Variants in CD38 observed in about 807,000 individuals in gnomAD.
CD38 encodes ADP-ribosyl cyclase/cyclic ADP-ribose hydrolase 1.
A neutral mutation model predicts 36.3 loss-of-function variants in CD38; 31 were observed. The ratio of observed to expected loss-of-function variants is 0.85; its 90% confidence interval spans 0.64 to 1.15. The LOEUF is 1.15. Ranked by LOEUF, CD38 falls within the 50% of genes most tolerant of loss-of-function variation. CD38 has a pLI of 0.00. For missense variants in CD38, 380 were observed against 371.9 expected (o/e 1.02, Z -0.18); for synonymous variants, 131 against 135.2 (o/e 0.97, Z 0.22).
rs76024486 is a variant in CD38, at chr4:15,838,198, A to G, written c.659+33A>G. The G allele has an allele frequency of 4.5e-4, 631 of 1,406,348 alleles. 4 individuals carry two copies. The African/African-American group carries it at 8.2e-3, about 18-fold the overall frequency. The allele number at this position is 1,406,348 out of a possible 1,614,324, so 87.1% of individuals were successfully genotyped here. ...TTTATTTTGCATCCTGTTTGCAAGT[A>G]TCCTGTTGCAAATATCACAGTGAAT... On this transcript the variant is annotated intron_variant, in intron 5 of 7. Transcript: ENST00000226279.
chr4:15,809,503 G>A (rs1014159827), intron 1 of CD38, among the ~76,000 whole-genome samples: 1 of 152,148 alleles, frequency 6.6e-6, no homozygotes, highest in Admixed American at 6.5e-5. Flanking sequence ...TCTTGGTTCT[G>A]GGGTCTTCCA....
At chr4:15,786,367 C>T (rs574241536) in intron 1 of CD38, among the ~76,000 whole-genome samples, 66 of 152,328 alleles carry the variant, frequency 4.3e-4, no homozygotes, top group Non-Finnish European at 7.1e-4. Context: ...CATTTACAAA[C>T]CTTGAGCTAG....
chr4:15,813,756 T>C (rs1188404490), intron 1 of CD38, among the ~76,000 whole-genome samples: 1 of 152,234 alleles, frequency 6.6e-6, no homozygotes, highest in Non-Finnish European at 1.5e-5. Context: ...GCTTCATCCA[T>C]GTCCCTGCAA....
At chr4:15,802,969 AGAG>A (rs1723262023) in intron 1 of CD38, among the ~76,000 whole-genome samples, 1 of 152,232 alleles carries the variant, frequency 6.6e-6, no homozygotes, top group East Asian at 1.9e-4. Context: ...GGAACAGAAT[AGAG>A]AACCCAGAAA....
intron 1 of CD38, among the ~76,000 whole-genome samples, chr4:15,796,340 G>A (rs950137756): frequency 1.3e-5 from 2 of 151,980 alleles, no homozygotes; most frequent in African/African-American, 2.4e-5. Flanking sequence ...TGTTTCCCAG[G>A]TCTGGCTTTC....
intron 2 of CD38, chr4:15,816,855 G>T (rs1160790020): frequency 9.6e-6 from 5 of 518,148 alleles, no homozygotes; most frequent in Non-Finnish European, 1.7e-5. Flanking sequence ...GAGAGAAATA[G>T]GGATACAGAG....
intron 7 of CD38, among the ~76,000 whole-genome samples, chr4:15,845,934 AC>A (rs779033754): frequency 1.2e-4 from 13 of 107,144 alleles, no homozygotes; most frequent in Admixed American, 1.7e-4. Context: ...AAATGGAAGA[AC>A]TGCTCATGGG....
chr4:15,815,059 C>A (rs1055082934), intron 1 of CD38, among the ~76,000 whole-genome samples: 1 of 152,140 alleles, frequency 6.6e-6, no homozygotes, highest in Non-Finnish European at 1.5e-5. Context: ...CCTGCCTCAG[C>A]CTCCCAAAGT....
chr4:15,834,180 G>C (rs1724014954), intron 3 of CD38, 37 bp from the exon 4 acceptor site: 1 of 1,366,656 alleles, frequency 7.3e-7, no homozygotes, highest in Non-Finnish European at 1.0e-6. Context: ...TATACTCTCT[G>C]TTTTCCACTT....
chr4:15,801,355 C>G (rs191072075), intron 1 of CD38, among the ~76,000 whole-genome samples: 1 of 152,040 alleles, frequency 6.6e-6, no homozygotes, highest in African/African-American at 2.4e-5. Context: ...CTGCTGGATT[C>G]TACCAAACTT....
intron 1 of CD38, among the ~76,000 whole-genome samples, chr4:15,806,737 G>A (rs1357210601): frequency 6.6e-6 from 1 of 152,146 alleles, no homozygotes; most frequent in Non-Finnish European, 1.5e-5. Flanking sequence ...GAGCAGAATG[G>A]TAGGAAAGGG....
chr4:15,796,621 T>A (rs1723108717), intron 1 of CD38, among the ~76,000 whole-genome samples: 1 of 152,104 alleles, frequency 6.6e-6, no homozygotes, highest in Non-Finnish European at 1.5e-5. Flanking sequence ...ACAAATAAAA[T>A]CGAAATACTC....
At chr4:15,810,865 A>T (rs1723454158) in intron 1 of CD38, among the ~76,000 whole-genome samples, 1 of 152,174 alleles carries the variant, frequency 6.6e-6, no homozygotes, top group Admixed American at 6.5e-5. Context: ...AATTAATTAC[A>T]CCTGCAACTG....
At chr4:15,839,434 T>TC (rs1482903523) in intron 5 of CD38, among the ~76,000 whole-genome samples, 10 of 141,016 alleles carry the variant, frequency 7.1e-5, no homozygotes, top group African/African-American at 2.1e-4. Flanking sequence ...TTTTTTTTTT[T>TC]TTTTTTTGAG....
At chr4:15,830,747 T>C (rs1274763011) in intron 3 of CD38, among the ~76,000 whole-genome samples, 2 of 152,186 alleles carry the variant, frequency 1.3e-5, no homozygotes, top group Non-Finnish European at 2.9e-5. Context: ...GTCTTAGATT[T>C]AAATCTTTAA....
At chr4:15,812,337 C>T (rs992563355) in intron 1 of CD38, among the ~76,000 whole-genome samples, 2 of 152,180 alleles carry the variant, frequency 1.3e-5, no homozygotes, top group Non-Finnish European at 2.9e-5. Context: ...AAAGAAGGAA[C>T]TGGGATTTTT....
intron 4 of CD38, 82 bp downstream of exon 4, chr4:15,834,384 CTT>C: frequency 1.2e-6 from 1 of 823,082 alleles, no homozygotes; most frequent in Non-Finnish European, 2.1e-6. Flanking sequence ...GGTTTTAACA[CTT>C]TTGGATTACA....
chr4:15,783,293 C>T (rs1050567772), intron 1 of CD38, among the ~76,000 whole-genome samples: 5 of 152,168 alleles, frequency 3.3e-5, no homozygotes, highest in Non-Finnish European at 7.4e-5. Context: ...GGAGAGCCAG[C>T]ACCTAGGGGA....
intron 1 of CD38, among the ~76,000 whole-genome samples, chr4:15,798,286 T>A (rs1324849332): frequency 2.0e-5 from 3 of 152,222 alleles, no homozygotes; most frequent in Admixed American, 2.0e-4. Context: ...GCCGAGGCTC[T>A]TTCCTTCCAC....
Sources: allele counts gnomAD v4.1 joint callset (sites outside exome capture counted in the v4.1 genomes callset), GRCh38; gene constraint gnomAD v4.1.1; transcripts MANE v1.5; gene names NCBI Gene and HGNC (gene_info 2026-07-23, HGNC 2026-07-21).